The following SYTL2 variants were observed in gnomAD, a reference collection of about 807,000 sequenced individuals.
The protein encoded by SYTL2 is synaptotagmin-like protein 2.
A neutral mutation model predicts 198.7 loss-of-function variants in SYTL2; 165 were observed. That is an observed-to-expected ratio of 0.83 (90% CI 0.73 to 0.94). The LOEUF (loss-of-function observed/expected upper bound fraction) is 0.94. Among genes scored for constraint, SYTL2 ranks in the 40% least tolerant of loss-of-function variants. SYTL2 has a pLI of 0.00. For missense variants in SYTL2, 2,835 were observed against 2,582.8 expected, an observed-to-expected ratio of 1.10 and a Z score of -2.12; for synonymous variants, 966 against 917.7, an observed-to-expected ratio of 1.05 and a Z score of -0.95.
chr11:85,836,065 C>T, the SYTL2 span, among the ~76,000 whole-genome samples: 3 of 152,142 alleles, frequency 2.0e-5, no homozygotes, highest in African/African-American at 7.2e-5. Flanking sequence ...AGGGTAGCTG[C>T]ATAGCATCAA....
intron 1 of SYTL2, among the ~76,000 whole-genome samples, chr11:85,771,985 C>T (rs913327478): frequency 3.9e-5 from 6 of 152,190 alleles, no homozygotes; most frequent in African/African-American, 1.4e-4. Flanking sequence ...TCACTGCAAA[C>T]TCCGCCTCCT....
the SYTL2 span, among the ~76,000 whole-genome samples, chr11:85,826,806 T>C: frequency 6.6e-6 from 1 of 152,180 alleles, no homozygotes; most frequent in Non-Finnish European, 1.5e-5. Flanking sequence ...TCACTCCTCG[T>C]GAAGGCAGGT....
At chr11:85,787,206 C>G (rs182430546) in intron 1 of SYTL2, among the ~76,000 whole-genome samples, 1 of 152,202 alleles carries the variant, frequency 6.6e-6, no homozygotes, top group Admixed American at 6.5e-5. Flanking sequence ...TTCTCTGAAC[C>G]TGCGATTTCC....
chr11:85,726,474 T>A lies in SYTL2; in HGVS notation c.2884A>T (p.Met962Leu), dbSNP rs543504480. The A allele has an allele frequency of 5.0e-6, 8 of 1,611,764 alleles. No individual in the cohort carries two copies. The Admixed American group carries it at 5.0e-5, about 10-fold the overall frequency. Reference protein sequence around the residue: ...VRESNANFKVMSLKERMDEPN... With the variant: ...VRESNANFKVLSLKERMDEPN... ...TCATCCATTCTTTCTTTTAGGGACA[T>A]AACTTTAAAGTTGGCATTTGATTCA... The change falls in exon 8 of 20, where the codon ATG becomes TTG. Residue 962 changes from methionine to leucine, a missense_variant. Physicochemically the swap from Met to Leu is conservative, Grantham distance 15. Around this residue, in one of 3 missense-constraint regions of SYTL2, gnomAD observed 2,645 missense variants for 2,381.7 expected, o/e 1.11. Transcript: ENST00000359152.
At chr11:85,810,841 ACACCACCTCCCT>A (rs1280775910) in intron 1 of SYTL2, 101 bp downstream of exon 1, 5 of 152,278 alleles carry the variant, frequency 3.3e-5, no homozygotes, top group Non-Finnish European at 5.9e-5. Context: ...ACAACATTCT[ACACCACCTCCCT>A]CACTTAACAG....
intron 1 of SYTL2, among the ~76,000 whole-genome samples, chr11:85,809,848 G>A (rs531146020): frequency 1.3e-5 from 2 of 152,192 alleles, no homozygotes; most frequent in Non-Finnish European, 2.9e-5. Context: ...CCACACTAAG[G>A]GTGAGAAGGG....
chr11:85,790,078 C>T (rs984197869), intron 1 of SYTL2, among the ~76,000 whole-genome samples: 1 of 152,076 alleles, frequency 6.6e-6, no homozygotes, highest in Admixed American at 6.5e-5. Context: ...GTCTCATATA[C>T]ACCTTATACA....
the SYTL2 span, among the ~76,000 whole-genome samples, chr11:85,825,336 C>T: frequency 7.0e-6 from 1 of 142,256 alleles, no homozygotes; most frequent in Admixed American, 7.6e-5. Context: ...TGCAGTGAGC[C>T]GAGATCCCGC....
intron 17 of SYTL2, 99 bp from the exon 18 acceptor site, chr11:85,698,177 C>G (rs1035487862): frequency 1.1e-5 from 8 of 741,186 alleles, no homozygotes; most frequent in Non-Finnish European, 1.7e-5. Context: ...CATGGAGATA[C>G]TAGCTAGTAT....
intron 4 of SYTL2, among the ~76,000 whole-genome samples, chr11:85,737,950 G>A (rs2090484219): frequency 6.6e-6 from 1 of 152,160 alleles, no homozygotes; most frequent in African/African-American, 2.4e-5. Flanking sequence ...GGTGGGGAGA[G>A]GAACAACCTG....
chr11:85,805,781 G>A (rs948879212), intron 1 of SYTL2, among the ~76,000 whole-genome samples: 5 of 152,154 alleles, frequency 3.3e-5, no homozygotes, highest in African/African-American at 9.7e-5. Flanking sequence ...TAACTCAGAA[G>A]GCAAATACGT....
chr11:85,802,549 T>C (rs1205506098), intron 1 of SYTL2, among the ~76,000 whole-genome samples: 2 of 152,204 alleles, frequency 1.3e-5, no homozygotes, highest in African/African-American at 4.8e-5. Context: ...TGTATGCATT[T>C]CTAACTAGAA....
At chr11:85,760,149 C>T (rs1272193600) in intron 1 of SYTL2, among the ~76,000 whole-genome samples, 2 of 152,138 alleles carry the variant, frequency 1.3e-5, no homozygotes. Context: ...AAGAGCTTGT[C>T]CCAGTTATTC....
chr11:85,808,913 T>C (rs949724897), intron 1 of SYTL2, among the ~76,000 whole-genome samples: 1 of 151,430 alleles, frequency 6.6e-6, no homozygotes, highest in Non-Finnish European at 1.5e-5. Flanking sequence ...ACATTTTTCT[T>C]CATCTACTGT....
At chr11:85,729,216 A>C (rs1391908583) in intron 7 of SYTL2, among the ~76,000 whole-genome samples, 1 of 152,178 alleles carries the variant, frequency 6.6e-6, no homozygotes, top group Non-Finnish European at 1.5e-5. Context: ...TCAGGATTTG[A>C]ACTAAGCTCT....
At chr11:85,708,153 CAAAAAAAA>C (rs201488817) in intron 14 of SYTL2, 2 of 274,486 alleles carry the variant, frequency 7.3e-6, no homozygotes, top group African/African-American at 5.1e-5. Flanking sequence ...AACTCCACCT[CAAAAAAAA>C]AAAAGAAAAA....
chr11:85,758,490 T>C (rs944750958), intron 1 of SYTL2, among the ~76,000 whole-genome samples: 4 of 152,204 alleles, frequency 2.6e-5, no homozygotes, highest in Non-Finnish European at 4.4e-5. Flanking sequence ...AATAAAAATT[T>C]TAAATGCTCA....
At position 85,737,632 on chromosome 11, in the gene SYTL2, G is replaced by A; in HGVS notation, c.414C>T (p.Ser138=). The A allele has an allele frequency of 6.2e-7, 1 of 1,613,748 alleles. No individual in the cohort carries two copies. The highest frequency in any genetic ancestry group is 8.5e-7 in the Non-Finnish European group (1 of 1,179,722). Residue 138 remains serine (S), a synonymous_variant, in exon 5 of 20, where the codon TCC becomes TCT. Coordinates refer to ENST00000359152, the MANE Select transcript of SYTL2 (RefSeq NM_206927.4). ...SPSSSVVNPA[S]SVIDMSQENT... ...TTTCCTGGGACATATCAATCACACTGGAAGCTGGATTTACCACACTGGAAC... is the reference window on the plus strand; with the variant it reads ...TTTCCTGGGACATATCAATCACACTAGAAGCTGGATTTACCACACTGGAAC...
At chr11:85,714,352 T>A in intron 12 of SYTL2, 61 bp downstream of exon 12, 2 of 1,355,964 alleles carry the variant, frequency 1.5e-6, no homozygotes, top group Non-Finnish European at 2.1e-6. Flanking sequence ...CACACCAACC[T>A]TGGCATAGCA....
Sources: gnomAD v4.1 joint callset for allele counts (sites outside exome capture counted in the v4.1 genomes callset) on GRCh38, gnomAD v4.1.1 for gene constraint, gnomAD v4.1.1 regional missense constraint, MANE v1.5 for transcripts, NCBI Gene and HGNC (gene_info 2026-07-23, HGNC 2026-07-21) for gene names.